NFATC1: variants seen among roughly 807,000 people sequenced by gnomAD.
NFATC1 encodes the protein nuclear factor of activated T-cells, cytoplasmic 1.
A neutral mutation model predicts 76.0 loss-of-function variants in NFATC1; 22 were observed. The ratio of observed to expected loss-of-function variants is 0.29; its 90% CI spans 0.21 to 0.41. The LOEUF (loss-of-function observed/expected upper bound fraction) is 0.41, where lower values mean the gene tolerates loss of function less well. NFATC1 is among the 10% of genes least tolerant of loss of function. The pLI, the probability that NFATC1 is intolerant of heterozygous loss-of-function variation, is 1.00. For missense variants in NFATC1, 1,357 were observed against 1,337.7 expected (o/e 1.01, Z -0.23); for synonymous variants, 704 against 613.1 (o/e 1.15, Z -2.19).
rs906256559 is a variant in NFATC1 at position 79,529,110 on chromosome 18, GAAAC to G, written c.*1536_*1539del. On this transcript the variant is annotated 3_prime_UTR_variant, in exon 10 of 10. Coordinates refer to ENST00000427363, the MANE Select transcript of NFATC1 (RefSeq NM_001278669.2). ...GTCTCTTGTGTCTCACTCACGGAAA[GAAAC>G]AACCTGAAGGCCATCCCGTCGGTCT... The G allele has an allele frequency of 6.6e-6, 1 of 152,318 alleles. No homozygotes were observed. Among genetic ancestry groups the G allele is most frequent in the Non-Finnish European group, 1.5e-5 (1 of 68,072 alleles). 9.4% of individuals were successfully genotyped at this position (152,318 alleles called of 1,614,324 possible).
At position 79,400,502 on chromosome 18, in the gene NFATC1, G is replaced by A. The variant is rs887201542; in HGVS notation, c.127+4151G>A. ...CAGGTGGGTCAGTCCCGGAGGGCGC[G>A]GGGGGCGCGGGGCCAGGTCGGGGTT... On this transcript the variant is annotated intron_variant, in intron 1 of 9. Coordinates refer to ENST00000427363, the MANE Select transcript of NFATC1 (RefSeq NM_001278669.2). The A allele has an allele frequency of 8.6e-6, 12 of 1,400,440 alleles. No homozygotes were observed. In the Admixed American group the frequency reaches 3.1e-4, roughly 36 times the overall value. The allele number at this position is 1,400,440 out of a possible 1,614,324, so 86.8% of individuals were successfully genotyped here.
At chr18:79,521,091 A>G (rs1601001711) in intron 9 of NFATC1, among the ~76,000 whole-genome samples, 2 of 74,710 alleles carry the variant, frequency 2.7e-5, no homozygotes, top group African/African-American at 1.1e-4. Context: ...GCATCCGCTG[A>G]TGTGTGTGTC....
Position 79,396,205 on chromosome 18 carries a change from T to G in NFATC1, c.-20T>G. The G allele has an allele frequency of 6.8e-7, 1 of 1,460,478 alleles. No homozygotes were observed. Among genetic ancestry groups the G allele is most frequent in the Non-Finnish European group, 9.1e-7 (1 of 1,095,918 alleles). 90.5% of individuals were successfully genotyped at this position (1,460,478 alleles called of 1,614,324 possible). A position where few individuals can be genotyped will look rare whatever the true frequency, so the allele number is the denominator to read the frequency against. On this transcript the variant is annotated 5_prime_UTR_variant, in exon 1 of 10. Transcript: ENST00000427363. Reference sequence around the variant, plus strand: ...CCTGTGCCTCCGCCCGCCGCTCCACTCCCCGCCGCCGCCGCGCGGATGCCA... The same window carrying G: ...CCTGTGCCTCCGCCCGCCGCTCCACGCCCCGCCGCCGCCGCGCGGATGCCA...
chr18:79,494,731 G>T, intron 9 of NFATC1, among the ~76,000 whole-genome samples: 3 of 69,142 alleles, frequency 4.3e-5, no homozygotes, highest in African/African-American at 3.1e-4. Flanking sequence ...AGGCGAGAGC[G>T]GGCACACGCC....
At chr18:79,457,403 T>C (rs2087792654) in intron 6 of NFATC1, among the ~76,000 whole-genome samples, 1 of 152,092 alleles carries the variant, frequency 6.6e-6, no homozygotes, top group Non-Finnish European at 1.5e-5. Flanking sequence ...TGGGCCCCGC[T>C]GGTGTGGGGA....
intron 9 of NFATC1, among the ~76,000 whole-genome samples, chr18:79,494,149 G>A (rs1005915434): frequency 9.8e-5 from 15 of 152,380 alleles, no homozygotes; most frequent in Admixed American, 7.8e-4. Context: ...GAGAAAACTC[G>A]CTGCCACCTG....
chr18:79,435,799 C>T (rs1350907410), intron 3 of NFATC1, among the ~76,000 whole-genome samples: 5 of 152,320 alleles, frequency 3.3e-5, no homozygotes, highest in East Asian at 1.9e-4. Flanking sequence ...CCCGTGTGTG[C>T]GCAGCAGCGA....
chr18:79,437,108 C>A (rs2086807586), intron 3 of NFATC1, among the ~76,000 whole-genome samples: 1 of 152,196 alleles, frequency 6.6e-6, no homozygotes, highest in Non-Finnish European at 1.5e-5. Context: ...GGCCGGCAGC[C>A]CCTGGTGGAC....
At chr18:79,516,472 G>A (rs1294307603) in intron 9 of NFATC1, among the ~76,000 whole-genome samples, 1 of 152,224 alleles carries the variant, frequency 6.6e-6, no homozygotes, top group East Asian at 1.9e-4. Flanking sequence ...CTGCGACCCT[G>A]CGTTTTCAGA....
chr18:79,504,489 G>A (rs1443129841), intron 9 of NFATC1, among the ~76,000 whole-genome samples: 2 of 152,208 alleles, frequency 1.3e-5, no homozygotes, highest in Non-Finnish European at 2.9e-5. Flanking sequence ...GGCACAGTTC[G>A]TGGCACCCCA....
chr18:79,470,212 G>A (rs903500825), intron 8 of NFATC1: 10 of 160,972 alleles, frequency 6.2e-5, no homozygotes, highest in African/African-American at 2.4e-4. Flanking sequence ...CGACCCTGGA[G>A]GTGGAGGCAG....
chr18:79,442,256 G>A (rs1217578501), intron 3 of NFATC1, among the ~76,000 whole-genome samples: 2 of 152,242 alleles, frequency 1.3e-5, no homozygotes, highest in South Asian at 2.1e-4. Context: ...AGACTGGCAC[G>A]TGTGAGGGGC....
intron 4 of NFATC1, 75 bp from the exon 5 acceptor site, chr18:79,450,879 G>C: frequency 6.5e-7 from 1 of 1,534,620 alleles, no homozygotes; most frequent in African/African-American, 1.4e-5. Flanking sequence ...GAGGGCCAGA[G>C]GGTCTGGGGG....
chr18:79,414,125 C>T (rs542692421), intron 2 of NFATC1, among the ~76,000 whole-genome samples: 138 of 152,264 alleles, frequency 9.1e-4, no homozygotes, highest in Non-Finnish European at 1.4e-3. Flanking sequence ...CTGGAAGCCA[C>T]GGCAGAGATG....
At chr18:79,434,952 C>A (rs994827757) in intron 3 of NFATC1, among the ~76,000 whole-genome samples, 1 of 152,192 alleles carries the variant, frequency 6.6e-6, no homozygotes, top group African/African-American at 2.4e-5. Context: ...GACACCTGAG[C>A]GCACAGTGGC....
At chr18:79,437,466 T>C (rs2086820672) in intron 3 of NFATC1, among the ~76,000 whole-genome samples, 1 of 152,134 alleles carries the variant, frequency 6.6e-6, no homozygotes, top group Non-Finnish European at 1.5e-5. Context: ...CAGTTCTCGG[T>C]GGGCCGGTCT....
intron 2 of NFATC1, among the ~76,000 whole-genome samples, chr18:79,425,436 C>T (rs910471497): frequency 6.6e-5 from 10 of 152,222 alleles, no homozygotes; most frequent in South Asian, 2.1e-4. Flanking sequence ...GTCCTGTGGG[C>T]GGGTGTGGCC....
At chr18:79,432,892 G>T (rs1034774361) in intron 2 of NFATC1, among the ~76,000 whole-genome samples, 15 of 152,274 alleles carry the variant, frequency 9.9e-5, no homozygotes, top group Admixed American at 5.2e-4. Flanking sequence ...CCCCAGCTGG[G>T]CTGTAGGCTC....
chr18:79,433,814 T>C (rs1265990802), intron 3 of NFATC1, 76 bp downstream of exon 3: 5 of 1,543,300 alleles, frequency 3.2e-6, no homozygotes, highest in South Asian at 1.2e-5. Flanking sequence ...CACAGCTAAC[T>C]GTGCTTAGAC....
Sources: allele counts gnomAD v4.1 joint callset (sites outside exome capture counted in the v4.1 genomes callset), GRCh38; gene constraint gnomAD v4.1.1; transcripts MANE v1.5; gene names NCBI Gene and HGNC (gene_info 2026-07-23, HGNC 2026-07-21).